Variants in PARD3 observed in about 807,000 individuals in gnomAD.
The protein encoded by PARD3 is par-3 family cell polarity regulator, also known as partitioning defective 3 homolog.
Under a neutral mutation model 155.4 loss-of-function variants are expected in PARD3, and 75 were observed. The observed-to-expected ratio is 0.48, with a 90% CI of 0.40 to 0.58. The LOEUF is 0.58. Ranked by LOEUF, PARD3 falls within the 20% of genes least tolerant of loss-of-function variation. The pLI, the probability that PARD3 is intolerant of heterozygous loss-of-function variation, is 0.00. For missense variants in PARD3, 1,642 were observed against 1,721.7 expected (o/e 0.95, Z 0.82); for synonymous variants, 576 against 610.5 (o/e 0.94, Z 0.83).
intron 1 of PARD3, among the ~76,000 whole-genome samples, chr10:34,813,283 T>A (rs1844435863): frequency 7.4e-6 from 1 of 135,890 alleles, no homozygotes; most frequent in Non-Finnish European, 1.6e-5. Context: ...AGCCTAGACG[T>A]ACTGCAGAGT....
chr10:34,334,127 C>T (rs771253331), intron 18 of PARD3, among the ~76,000 whole-genome samples: 3 of 151,606 alleles, frequency 2.0e-5, no homozygotes, highest in Non-Finnish European at 3.0e-5. Context: ...TCTTTTAGGT[C>T]ATTAGCATAC....
chr10:34,374,269 G>A (rs1053265679), intron 11 of PARD3, among the ~76,000 whole-genome samples: 1 of 152,144 alleles, frequency 6.6e-6, no homozygotes, highest in South Asian at 2.1e-4. Context: ...TGTATGGAAA[G>A]TGAAGGAGAT....
intron 3 of PARD3, among the ~76,000 whole-genome samples, chr10:34,511,446 A>G (rs1257495554): frequency 6.6e-6 from 1 of 152,296 alleles, no homozygotes; most frequent in African/African-American, 2.4e-5. Context: ...CCGGAGCCCA[A>G]GAGGTCCAAG....
intron 23 of PARD3, among the ~76,000 whole-genome samples, chr10:34,124,542 T>C (rs1434116324): frequency 2.0e-5 from 3 of 152,290 alleles, no homozygotes; most frequent in Middle Eastern, 3.4e-3. Context: ...ACGTTAACTT[T>C]TGTCTACCCA....
intron 3 of PARD3, among the ~76,000 whole-genome samples, chr10:34,484,795 T>C (rs549969254): frequency 6.6e-6 from 1 of 152,216 alleles, no homozygotes; most frequent in Admixed American, 6.5e-5. Flanking sequence ...AAGTGAAAAA[T>C]AACTGCTAAA....
At chr10:34,268,817 T>C (rs747802629) in intron 22 of PARD3, among the ~76,000 whole-genome samples, 1 of 152,092 alleles carries the variant, frequency 6.6e-6, no homozygotes, top group Non-Finnish European at 1.5e-5. Flanking sequence ...TTAGGAGATA[T>C]ACCTAATGTA....
intron 2 of PARD3, among the ~76,000 whole-genome samples, chr10:34,587,195 C>T (rs1321678623): frequency 2.0e-5 from 3 of 152,172 alleles, no homozygotes; most frequent in Non-Finnish European, 4.4e-5. Flanking sequence ...ACAATCTCGA[C>T]TCACTACAAC....
intron 19 of PARD3, among the ~76,000 whole-genome samples, chr10:34,328,562 G>C (rs1279235464): frequency 3.3e-5 from 5 of 152,114 alleles, no homozygotes; most frequent in Non-Finnish European, 7.4e-5. Context: ...AGGTGGTGGT[G>C]GGGGGAAGGT....
chr10:34,221,091 A>G (rs996068604), intron 22 of PARD3, among the ~76,000 whole-genome samples: 1 of 152,122 alleles, frequency 6.6e-6, no homozygotes, highest in South Asian at 2.1e-4. Flanking sequence ...TGGGTGTGCA[A>G]CCCTGACAGG....
chr10:34,385,171 T>C (rs1420319590), intron 7 of PARD3, among the ~76,000 whole-genome samples: 2 of 152,224 alleles, frequency 1.3e-5, no homozygotes, highest in African/African-American at 4.8e-5. Flanking sequence ...TTCGTTCTTG[T>C]CGTCCAGGCT....
At chr10:34,698,441 G>A (rs2094214030) in intron 1 of PARD3, among the ~76,000 whole-genome samples, 1 of 151,996 alleles carries the variant, frequency 6.6e-6, no homozygotes, top group Admixed American at 6.6e-5. Context: ...TACCCTCCAG[G>A]CCAGCCCTGT....
At chr10:34,381,546 C>T (rs1224176696) in intron 9 of PARD3, among the ~76,000 whole-genome samples, 1 of 151,986 alleles carries the variant, frequency 6.6e-6, no homozygotes, top group African/African-American at 2.4e-5. Flanking sequence ...TACAGAGATC[C>T]ACTGTATACA....
At chr10:34,545,408 T>G (rs1055532173) in intron 2 of PARD3, among the ~76,000 whole-genome samples, 1 of 152,194 alleles carries the variant, frequency 6.6e-6, no homozygotes, top group African/African-American at 2.4e-5. Context: ...CCCAAAGCAC[T>G]TGTCAACAGA....
chr10:34,583,263 G>A (rs575082563), intron 2 of PARD3, among the ~76,000 whole-genome samples: 1 of 152,208 alleles, frequency 6.6e-6, no homozygotes, highest in East Asian at 1.9e-4. Flanking sequence ...TTAGATATAT[G>A]CCAGTAAAAC....
intron 2 of PARD3, among the ~76,000 whole-genome samples, chr10:34,556,236 G>A (rs2084970122): frequency 6.6e-6 from 1 of 152,076 alleles, no homozygotes; most frequent in Non-Finnish European, 1.5e-5. Context: ...TTACAACAAC[G>A]TTTTTCTTTT....
intron 20 of PARD3, 90 bp from the exon 21 acceptor site, chr10:34,284,335 T>C (rs1956289715): frequency 1.4e-6 from 1 of 712,374 alleles, no homozygotes; most frequent in African/African-American, 1.8e-5. Flanking sequence ...ATGAAATGAA[T>C]GTTAGCTTCT....
chr10:34,526,379 A>G lies in PARD3; in HGVS notation c.223-9220T>C, dbSNP rs180952610. On this transcript the variant is annotated intron_variant, in intron 2 of 24. Coordinates refer to ENST00000374788, the MANE Select transcript of PARD3 (RefSeq NM_001184785.2). ...AATCTCCCCCAGTCCCTACGCTGTA[A>G]TAGTCCCAGGGCATGAAAAGCTGCC... Among the ~76,000 whole-genome samples, 390 of 152,254 alleles carry G rather than the reference A, an allele frequency of 2.6e-3. 3 individuals are homozygous for G. Among genetic ancestry groups the G allele is most frequent in the South Asian group, 0.022 (108 of 4,814 alleles).
intron 3 of PARD3, among the ~76,000 whole-genome samples, chr10:34,479,405 C>T (rs557033478): frequency 3.4e-4 from 52 of 152,224 alleles, no homozygotes; most frequent in African/African-American, 1.2e-3. Flanking sequence ...TCATGATCCG[C>T]CCACCTCGGC....
chr10:34,448,131 CTGCGTG>C (rs990952105), intron 5 of PARD3, among the ~76,000 whole-genome samples: 41 of 112,804 alleles, frequency 3.6e-4, no homozygotes, highest in African/African-American at 1.6e-3. Context: ...GTGATATACA[CTGCGTG>C]TGTGTGTGTG....
Sources: gnomAD v4.1 joint callset for allele counts (sites outside exome capture counted in the v4.1 genomes callset) on GRCh38, gnomAD v4.1.1 for gene constraint, MANE v1.5 for transcripts, NCBI Gene and HGNC (gene_info 2026-07-23, HGNC 2026-07-21) for gene names.